The following PTPRT variants were observed in gnomAD, a reference collection of about 807,000 sequenced individuals.
PTPRT encodes protein tyrosine phosphatase receptor type T, also known as receptor-type tyrosine-protein phosphatase T.
Under a neutral mutation model 176.8 loss-of-function variants are expected in PTPRT, and 56 were observed. That is an observed-to-expected ratio of 0.32 (90% confidence interval 0.26 to 0.40). The LOEUF (loss-of-function observed/expected upper bound fraction) is 0.40. PTPRT is among the 10% of genes least tolerant of loss of function. PTPRT has a pLI of 1.00. For synonymous variants in PTPRT, 783 were observed against 739.0 expected (o/e 1.06, Z -0.96); for missense variants, 1,540 against 1,908.2 (o/e 0.81, Z 3.60).
At chr20:42,765,695 A>G (rs2076972994) in intron 5 of PTPRT, among the ~76,000 whole-genome samples, 1 of 151,712 alleles carries the variant, frequency 6.6e-6, no homozygotes, top group African/African-American at 2.4e-5. Context: ...TATACAGATT[A>G]TATATATTTA....
intron 15 of PTPRT, among the ~76,000 whole-genome samples, chr20:42,224,236 G>A (rs536753895): frequency 6.6e-6 from 1 of 152,302 alleles, no homozygotes; most frequent in South Asian, 2.1e-4. Flanking sequence ...AATCATGGTG[G>A]AGGTGACTTT....
At chr20:43,061,959 A>C (rs1326329449) in intron 1 of PTPRT, among the ~76,000 whole-genome samples, 1 of 152,236 alleles carries the variant, frequency 6.6e-6, no homozygotes, top group Admixed American at 6.5e-5. Context: ...CAATGGGTGA[A>C]GCTTAAAAAC....
At chr20:42,280,891 C>T (rs2057128060) in intron 13 of PTPRT, among the ~76,000 whole-genome samples, 1 of 152,104 alleles carries the variant, frequency 6.6e-6, no homozygotes, top group Non-Finnish European at 1.5e-5. Context: ...AATTATGACC[C>T]AGCCAGCTAC....
intron 13 of PTPRT, among the ~76,000 whole-genome samples, chr20:42,268,078 G>C (rs1015729168): frequency 8.5e-5 from 13 of 152,116 alleles, no homozygotes; most frequent in African/African-American, 3.1e-4. Flanking sequence ...AGTTGGTGCT[G>C]ATATGAAAAG....
At chr20:43,122,391 C>T (rs1173327455) in intron 1 of PTPRT, among the ~76,000 whole-genome samples, 1 of 152,188 alleles carries the variant, frequency 6.6e-6, no homozygotes, top group Admixed American at 6.5e-5. Flanking sequence ...TGAAACCCCT[C>T]TCAGTCCTAG....
At chr20:42,179,012 G>A (rs1990409066) in intron 16 of PTPRT, among the ~76,000 whole-genome samples, 1 of 152,136 alleles carries the variant, frequency 6.6e-6, no homozygotes, top group African/African-American at 2.4e-5. Context: ...TTCATTGGAA[G>A]CCAGTCACTA....
chr20:42,850,151 G>A (rs2078443420), intron 2 of PTPRT, among the ~76,000 whole-genome samples: 1 of 152,090 alleles, frequency 6.6e-6, no homozygotes, highest in Non-Finnish European at 1.5e-5. Context: ...CCCCCTTCAG[G>A]TTTCTGAGCA....
rs151237328 is a variant in PTPRT, at chr20:42,856,410, C to T, written c.214+29397G>A. Among the ~76,000 whole-genome samples, 581 of 152,052 alleles carry T rather than the reference C, an allele frequency of 3.8e-3. 11 individuals are homozygous for T. Among genetic ancestry groups the T allele is most frequent in the East Asian group, 0.03 (153 of 5,156 alleles). ...TGTGTCCCCCACAGTAGGTTTCACA[C>T]GCAAAGATTTTTTTTTAAAACTCAC... On this transcript the variant is annotated intron_variant, in intron 2 of 30. Coordinates refer to ENST00000373187, the MANE Select transcript of PTPRT (RefSeq NM_007050.6).
chr20:42,720,678 G>C (rs1167150160), intron 6 of PTPRT, among the ~76,000 whole-genome samples: 3 of 152,134 alleles, frequency 2.0e-5, no homozygotes, highest in Non-Finnish European at 2.9e-5. Flanking sequence ...TATCATGACT[G>C]AAGTTATACT....
intron 7 of PTPRT, among the ~76,000 whole-genome samples, chr20:42,634,019 T>TATAATATA (rs2074512479): frequency 3.2e-4 from 9 of 28,364 alleles, no homozygotes; most frequent in African/African-American, 1.8e-3. Context: ...ATAATATATA[T>TATAATATA]ATAATATATA....
intron 1 of PTPRT, among the ~76,000 whole-genome samples, chr20:43,049,222 T>G (rs1016733388): frequency 1.5e-4 from 23 of 152,254 alleles, no homozygotes; most frequent in African/African-American, 5.5e-4. Context: ...GTCGCAGCAT[T>G]CTGTCAGTGC....
intron 1 of PTPRT, among the ~76,000 whole-genome samples, chr20:43,180,112 C>T (rs936964319): frequency 4.6e-5 from 7 of 152,170 alleles, no homozygotes; most frequent in African/African-American, 1.7e-4. Context: ...TAGAGAAGGG[C>T]GATTCTGCTC....
intron 1 of PTPRT, among the ~76,000 whole-genome samples, chr20:42,893,019 C>T (rs138904553): frequency 1.0e-3 from 152 of 152,074 alleles, no homozygotes; most frequent in African/African-American, 3.3e-3. Context: ...GGAGTAAGAG[C>T]GAAGAACTCA....
chr20:42,706,635 T>C (rs1204280357), intron 6 of PTPRT, among the ~76,000 whole-genome samples: 3 of 152,176 alleles, frequency 2.0e-5, no homozygotes, highest in Admixed American at 2.0e-4. Flanking sequence ...AAAGAATTGT[T>C]ATGTGCAAAG....
intron 7 of PTPRT, among the ~76,000 whole-genome samples, chr20:42,523,043 G>T (rs755181906): frequency 2.0e-5 from 3 of 152,014 alleles, no homozygotes; most frequent in Admixed American, 6.6e-5. Flanking sequence ...ATTTTGACTG[G>T]TTCCTTCTGA....
At chr20:42,819,539 T>G (rs1268156605) in intron 2 of PTPRT, among the ~76,000 whole-genome samples, 1 of 152,116 alleles carries the variant, frequency 6.6e-6, no homozygotes, top group Non-Finnish European at 1.5e-5. Context: ...AGGATCAAAT[T>G]CACATATAAC....
chr20:42,295,870 A>T (rs1227009390), intron 12 of PTPRT, among the ~76,000 whole-genome samples: 2 of 152,146 alleles, frequency 1.3e-5, no homozygotes, highest in Non-Finnish European at 2.9e-5. Flanking sequence ...ATGGTTTTAT[A>T]AGGGGCTCTA....
At chr20:42,809,962 A>C (rs1012121828) in intron 2 of PTPRT, among the ~76,000 whole-genome samples, 1 of 152,122 alleles carries the variant, frequency 6.6e-6, no homozygotes, top group African/African-American at 2.4e-5. Flanking sequence ...TGTAAATGTC[A>C]CTTACCCTCA....
intron 6 of PTPRT, among the ~76,000 whole-genome samples, chr20:42,691,803 G>T (rs1248427767): frequency 6.6e-6 from 1 of 152,134 alleles, no homozygotes; most frequent in Non-Finnish European, 1.5e-5. Flanking sequence ...TAAGCCAGAT[G>T]GACGCTGGGC....
Sources: gnomAD v4.1 joint callset for allele counts (sites outside exome capture counted in the v4.1 genomes callset) on GRCh38, gnomAD v4.1.1 for gene constraint, MANE v1.5 for transcripts, NCBI Gene and HGNC (gene_info 2026-07-23, HGNC 2026-07-21) for gene names.